Variants in SH3PXD2B observed in about 807,000 individuals in gnomAD.
SH3PXD2B encodes the protein SH3 and PX domains 2B.
In SH3PXD2B, 37 loss-of-function variants were observed where a neutral mutation model predicts 73.1. That is an observed-to-expected ratio of 0.51 (90% confidence interval 0.39 to 0.67). The LOEUF (loss-of-function observed/expected upper bound fraction) is 0.67, where lower values mean the gene tolerates loss of function less well. Ranked by LOEUF, SH3PXD2B falls within the 30% of genes least tolerant of loss-of-function variation. The probability of loss-of-function intolerance (pLI) is 0.00; values close to 1 mark genes in which losing one functional copy is unlikely to be tolerated. For missense variants in SH3PXD2B, 1,053 were observed against 1,197.8 expected (o/e 0.88, Z 1.78); for synonymous variants, 457 against 480.5 (o/e 0.95, Z 0.64).
chr5:172,448,872 C>G (rs1315615979), intron 1 of SH3PXD2B, among the ~76,000 whole-genome samples: 1 of 152,210 alleles, frequency 6.6e-6, no homozygotes, highest in Non-Finnish European at 1.5e-5. Flanking sequence ...TCCCACAAAA[C>G]AGGTGCCAGG....
chr5:172,416,682 C>T (rs544302748), intron 2 of SH3PXD2B, among the ~76,000 whole-genome samples: 1,756 of 89,900 alleles, frequency 0.02, 26 homozygotes, highest in Non-Finnish European at 0.028. Flanking sequence ...CTGTGAGTCT[C>T]TCTCTCTCTC....
intron 1 of SH3PXD2B, among the ~76,000 whole-genome samples, chr5:172,443,686 C>T (rs373676018): frequency 4.9e-4 from 75 of 152,356 alleles, no homozygotes; most frequent in African/African-American, 1.7e-3. Context: ...CAACAGTGGC[C>T]TGAAGCCACA....
intron 3 of SH3PXD2B, among the ~76,000 whole-genome samples, chr5:172,397,167 C>T (rs1253642638): frequency 6.6e-6 from 1 of 152,056 alleles, no homozygotes; most frequent in Non-Finnish European, 1.5e-5. Flanking sequence ...ACTCTGGGAA[C>T]GTCTGTCTTT....
At chr5:172,348,690 T>TC (rs144908440) in intron 10 of SH3PXD2B, among the ~76,000 whole-genome samples, 8 of 40,462 alleles carry the variant, frequency 2.0e-4, no homozygotes, top group Admixed American at 1.8e-3. Flanking sequence ...TATCTATCTA[T>TC]CTATCTATCT....
At chr5:172,412,393 C>G (rs571595699) in intron 2 of SH3PXD2B, among the ~76,000 whole-genome samples, 1 of 152,204 alleles carries the variant, frequency 6.6e-6, no homozygotes, top group Non-Finnish European at 1.5e-5. Context: ...CTTTAATTGA[C>G]TTGAATTTAC....
rs145174638 is a variant in SH3PXD2B, at chr5:172,348,867, C to T, written c.1012+1496G>A. Among the ~76,000 whole-genome samples, 529 of 152,138 alleles carry T rather than the reference C, an allele frequency of 3.5e-3. 3 individuals are homozygous for T. The highest frequency in any genetic ancestry group is 0.011 in the African/African-American group (458 of 41,498). ...GACTACAGGTGTGTGCCACCACGCCCAGCTAATTAAAAAAAATTTTTTTTT... is the reference window on the plus strand; with the variant it reads ...GACTACAGGTGTGTGCCACCACGCCTAGCTAATTAAAAAAAATTTTTTTTT... On this transcript the variant is annotated intron_variant, in intron 10 of 12. Coordinates refer to ENST00000311601, the MANE Select transcript of SH3PXD2B (RefSeq NM_001017995.3).
chr5:172,402,696 G>T (rs1403881211), intron 3 of SH3PXD2B, among the ~76,000 whole-genome samples: 1 of 152,182 alleles, frequency 6.6e-6, no homozygotes, highest in African/African-American at 2.4e-5. Context: ...TTTGGGGAAG[G>T]CATTTACCTC....
chr5:172,343,966 GAAA>G (rs760791917), intron 12 of SH3PXD2B, among the ~76,000 whole-genome samples: 1 of 140,680 alleles, frequency 7.1e-6, no homozygotes. Context: ...CATGCTGATA[GAAA>G]AAAAAAAAAG....
At chr5:172,382,556 A>AAC (rs3057156) in intron 4 of SH3PXD2B, among the ~76,000 whole-genome samples, 11,125 of 149,396 alleles carry the variant, frequency 0.074, 789 homozygotes, top group African/African-American at 0.19. Context: ...TTTGGAGAAC[A>AAC]ACACACACAC....
intron 1 of SH3PXD2B, among the ~76,000 whole-genome samples, chr5:172,433,375 C>T (rs1759298279): frequency 1.3e-5 from 2 of 152,184 alleles, no homozygotes; most frequent in Non-Finnish European, 2.9e-5. Context: ...CAGTGGTTCG[C>T]TTTGGGGTGG....
chr5:172,381,974 G>T (rs1419498491), intron 5 of SH3PXD2B, 62 bp downstream of exon 5: 23 of 1,348,364 alleles, frequency 1.7e-5, no homozygotes, highest in Non-Finnish European at 2.2e-5. Flanking sequence ...CTTGGGGGTG[G>T]CTGGACTGGC....
rs142786813 is a variant in SH3PXD2B, at chr5:172,325,381, C to T, written c.1189-1G>A. ...TCTCCAAGTGAACATTCTTATGATC[C>T]TAGATGAATGCAGGGAGAAAAATCA... On this transcript the variant is annotated splice_acceptor_variant, in intron 12 of 12. Coordinates refer to the SH3PXD2B transcript ENST00000519643. LOFTEE classifies it high-confidence loss of function. 646 of 1,530,356 alleles carry T rather than the reference C, an allele frequency of 4.2e-4. 4 individuals are homozygous for T. The African/African-American group carries it at 8.2e-3, about 19-fold the overall frequency. 94.8% of individuals were successfully genotyped at this position (1,530,356 alleles called of 1,614,324 possible).
At chr5:172,356,053 A>G (rs1043366499) in intron 8 of SH3PXD2B, among the ~76,000 whole-genome samples, 3 of 152,056 alleles carry the variant, frequency 2.0e-5, no homozygotes, top group African/African-American at 7.2e-5. Context: ...GGAGGGAAGG[A>G]GTAGGTGTCG....
At chr5:172,377,680 A>G (rs1248675936) in intron 5 of SH3PXD2B, among the ~76,000 whole-genome samples, 2 of 152,156 alleles carry the variant, frequency 1.3e-5, no homozygotes, top group African/African-American at 4.8e-5. Context: ...AAGAGATTTG[A>G]ACCTTCCCTT....
intron 1 of SH3PXD2B, among the ~76,000 whole-genome samples, chr5:172,431,781 A>AAT (rs1759250173): frequency 6.6e-6 from 1 of 152,344 alleles, no homozygotes; most frequent in South Asian, 2.1e-4. Context: ...CTCTAGGAGA[A>AAT]ATACAGGGTT....
At chr5:172,342,800 G>A (rs187054019) in intron 12 of SH3PXD2B, among the ~76,000 whole-genome samples, 6 of 152,206 alleles carry the variant, frequency 3.9e-5, no homozygotes, top group East Asian at 1.9e-4. Flanking sequence ...GGCTGTGTCC[G>A]GGGTAAGAAA....
intron 1 of SH3PXD2B, among the ~76,000 whole-genome samples, chr5:172,441,434 G>A (rs908135981): frequency 1.2e-4 from 18 of 152,250 alleles, no homozygotes; most frequent in Non-Finnish European, 2.5e-4. Flanking sequence ...CGTTGCCTTA[G>A]AATCATGGGA....
chr5:172,397,468 C>T (rs1265740903), intron 3 of SH3PXD2B, among the ~76,000 whole-genome samples: 1 of 152,202 alleles, frequency 6.6e-6, no homozygotes, highest in Non-Finnish European at 1.5e-5. Context: ...CACTCCCTCC[C>T]CTTTTGAAAA....
downstream of SH3PXD2B, among the ~76,000 whole-genome samples, chr5:172,331,866 A>G (rs1413780926): frequency 1.3e-5 from 2 of 152,328 alleles, no homozygotes; most frequent in East Asian, 3.9e-4. Context: ...GAATCGCTCG[A>G]GCCTGGGAGG....
Sources: gnomAD v4.1 joint callset for allele counts (sites outside exome capture counted in the v4.1 genomes callset) on GRCh38, gnomAD v4.1.1 for gene constraint, MANE v1.5 for transcripts, NCBI Gene and HGNC (gene_info 2026-07-23, HGNC 2026-07-21) for gene names.